Variants in TENM1 observed in about 807,000 individuals in gnomAD.
TENM1 encodes teneurin-1.
Under a neutral mutation model 174.8 loss-of-function variants are expected in TENM1, and 35 were observed. That is an observed-to-expected ratio of 0.20 (90% CI 0.15 to 0.27). The LOEUF (loss-of-function observed/expected upper bound fraction) is 0.27. Among genes scored for constraint, TENM1 ranks in the 10% least tolerant of loss-of-function variants. The probability of loss-of-function intolerance (pLI) is 1.00; values close to 1 mark genes in which losing one functional copy is unlikely to be tolerated. For missense variants in TENM1, 1,633 were observed against 2,130.1 expected (o/e 0.77, Z 4.59); for synonymous variants, 781 against 798.7 (o/e 0.98, Z 0.37).
chrX:124,942,322 T>A (rs2058340077), intron 1 of TENM1, among the ~76,000 whole-genome samples: 1 of 111,608 alleles, frequency 9.0e-6, no homozygotes, highest in South Asian at 3.8e-4. Flanking sequence ...AACCTGTCTT[T>A]CACGCTTCTA....
chrX:124,496,528 G>T (rs761115388), intron 20 of TENM1, among the ~76,000 whole-genome samples: 1 of 111,873 alleles, frequency 8.9e-6, no homozygotes, highest in South Asian at 3.7e-4. Context: ...CAAGGGTAAA[G>T]AACCATTTCT....
the TENM1 span, among the ~76,000 whole-genome samples, chrX:125,172,324 C>A: frequency 4.7e-5 from 5 of 106,353 alleles, no homozygotes; most frequent in African/African-American, 1.5e-4. Context: ...CAACCTCACC[C>A]CCCCCCATTT....
At chrX:124,790,246 G>C (rs1314417756) in intron 3 of TENM1, among the ~76,000 whole-genome samples, 5 of 111,819 alleles carry the variant, frequency 4.5e-5, no homozygotes, top group Non-Finnish European at 9.4e-5. Flanking sequence ...ATGAGATTTG[G>C]GTGGGGACAC....
intron 8 of TENM1, among the ~76,000 whole-genome samples, chrX:124,649,702 AGT>A (rs2051248334): frequency 8.9e-6 from 1 of 112,278 alleles, no homozygotes; most frequent in South Asian, 3.7e-4. Context: ...GACCTATATT[AGT>A]CATTTAGTAA....
At chrX:124,785,320 T>C (rs2055009397) in intron 3 of TENM1, among the ~76,000 whole-genome samples, 1 of 111,611 alleles carries the variant, frequency 9.0e-6, no homozygotes, top group Middle Eastern at 4.3e-3. Flanking sequence ...AGGAGAATCA[T>C]AGAAAGAATT....
intron 1 of TENM1, among the ~76,000 whole-genome samples, chrX:124,940,020 C>T (rs1673182530): frequency 8.9e-6 from 1 of 111,841 alleles, no homozygotes; most frequent in Non-Finnish European, 1.9e-5. Flanking sequence ...CAACTCTATC[C>T]CCAACACCTA....
the TENM1 span, among the ~76,000 whole-genome samples, chrX:125,137,301 T>A: frequency 9.0e-6 from 1 of 111,362 alleles, no homozygotes; most frequent in African/African-American, 3.3e-5. Flanking sequence ...TGGTTCAATA[T>A]GCAGGTCACA....
At chrX:124,563,757 G>A in exon 13 of TENM1, 1 of 1,192,872 alleles carries the variant, frequency 8.4e-7, no homozygotes, top group Non-Finnish European at 1.1e-6. Context: ...ACCTCGGACA[G>A]CATCTAAGTA....
the TENM1 span, among the ~76,000 whole-genome samples, chrX:125,021,161 T>C: frequency 9.0e-6 from 1 of 111,137 alleles, no homozygotes; most frequent in African/African-American, 3.3e-5. Flanking sequence ...TGTGAACTTT[T>C]TGCGAGGCTG....
chrX:125,039,065 C>T, the TENM1 span, among the ~76,000 whole-genome samples: 1 of 111,300 alleles, frequency 9.0e-6, no homozygotes, highest in African/African-American at 3.2e-5. Context: ...GAAGTATAAC[C>T]AAGGTTCTAC....
intron 3 of TENM1, among the ~76,000 whole-genome samples, chrX:124,888,393 C>T (rs1478007932): frequency 9.0e-6 from 1 of 111,610 alleles, no homozygotes; most frequent in African/African-American, 3.3e-5. Context: ...CCCACCTCTC[C>T]CTTAAAGGGT....
intron 6 of TENM1, among the ~76,000 whole-genome samples, chrX:124,660,055 C>T (rs1026752167): frequency 9.0e-6 from 1 of 111,476 alleles, no homozygotes; most frequent in African/African-American, 3.3e-5. Flanking sequence ...AAATCTTTGT[C>T]ACCTTGGATT....
chrX:124,709,120 AT>A (rs1279476099), intron 4 of TENM1, among the ~76,000 whole-genome samples: 1 of 112,062 alleles, frequency 8.9e-6, no homozygotes, highest in Non-Finnish European at 1.9e-5. Context: ...AAGAGATAAC[AT>A]TTGAGTGATT....
chrX:125,053,165 A>C, the TENM1 span, among the ~76,000 whole-genome samples: 1 of 112,221 alleles, frequency 8.9e-6, no homozygotes, highest in Admixed American at 9.5e-5. Flanking sequence ...ACTAAGGTCC[A>C]ATTTAATTGT....
At chrX:125,169,956 T>C in the TENM1 span, among the ~76,000 whole-genome samples, 1 of 111,307 alleles carries the variant, frequency 9.0e-6, no homozygotes, top group Admixed American at 9.6e-5. Context: ...TAGCTTAATA[T>C]TATTGGACAC....
chrX:125,039,391 G>C, the TENM1 span, among the ~76,000 whole-genome samples: 1 of 111,177 alleles, frequency 9.0e-6, no homozygotes, highest in Non-Finnish European at 1.9e-5. Context: ...AGTATCTGTG[G>C]TATACATCAA....
At chrX:124,488,729 T>C (rs1026192596) in intron 20 of TENM1, among the ~76,000 whole-genome samples, 3 of 112,499 alleles carry the variant, frequency 2.7e-5, no homozygotes, top group Non-Finnish European at 5.6e-5. Flanking sequence ...GTAATCACTG[T>C]GGCATAGGTG....
At chrX:125,112,061 T>C in the TENM1 span, among the ~76,000 whole-genome samples, 1 of 110,439 alleles carries the variant, frequency 9.1e-6, no homozygotes, top group Non-Finnish European at 1.9e-5. Context: ...TTTGTTTCCA[T>C]TTATGTCTTT....
intron 11 of TENM1, among the ~76,000 whole-genome samples, chrX:124,609,420 AGCCTTTGGTTTTGAGCGAGACATGCTAC>A (rs1379678150): frequency 2.7e-5 from 3 of 111,296 alleles, no homozygotes; most frequent in Non-Finnish European, 5.7e-5. Context: ...ATGTATCTAA[AGCCTTTGGTTTTGAGCGAGACATGCTAC>A]GCCTTTGGTT....
Sources: allele counts gnomAD v4.1 joint callset (sites outside exome capture counted in the v4.1 genomes callset), GRCh38; gene constraint gnomAD v4.1.1; transcripts MANE v1.5; gene names NCBI Gene and HGNC (gene_info 2026-07-23, HGNC 2026-07-21).